COL8A1: variants seen among roughly 807,000 people sequenced by gnomAD.
COL8A1 encodes collagen type VIII alpha 1 chain.
Under a neutral mutation model 42.7 loss-of-function variants are expected in COL8A1, and 21 were observed. That is an observed-to-expected ratio of 0.49 (90% CI 0.35 to 0.71). The LOEUF (loss-of-function observed/expected upper bound fraction) is 0.71, where lower values mean the gene tolerates loss of function less well. COL8A1 is among the 30% of genes least tolerant of loss of function. COL8A1 has a pLI of 0.01. For synonymous variants in COL8A1, 367 were observed against 369.1 expected (o/e 0.99, Z 0.06); for missense variants, 788 against 962.4 (o/e 0.82, Z 2.40).
chr3:99,690,455 A>G (rs770490124), intron 1 of COL8A1, among the ~76,000 whole-genome samples: 78 of 152,306 alleles, frequency 5.1e-4, no homozygotes, highest in Admixed American at 1.2e-3. Context: ...AACAAATTCT[A>G]GGGTAATGGA....
intron 2 of COL8A1, among the ~76,000 whole-genome samples, chr3:99,763,557 T>A (rs1159613609): frequency 1.3e-5 from 2 of 152,152 alleles, no homozygotes; most frequent in African/African-American, 4.8e-5. Context: ...ATTAAAGTCC[T>A]ATGAGGTCGG....
Position 99,794,521 on chromosome 3 carries a change from T to C in COL8A1, c.620T>C (p.Ile207Thr), listed in dbSNP as rs773384000. 5.6e-6 allele frequency: 9 copies of C among 1,613,838 alleles called. No individual in the cohort carries two copies. Among genetic ancestry groups the C allele is most frequent in the Non-Finnish European group, 6.8e-6 (8 of 1,179,894 alleles). The change falls in exon 4 of 4, where the codon ATT (isoleucine) becomes ACT (threonine). Residue 207 changes from isoleucine (I) to threonine (T), a missense_variant. Physicochemically the swap from Ile to Thr is moderately conservative, Grantham distance 89 (BLOSUM62 -1). This residue lies in a region of COL8A1 where 421 missense variants were observed against 553.1 expected (regional missense o/e 0.76). Transcript: ENST00000652472. This position sits in a 1 kb window ranked among gnomAD's most constrained non-coding sequence, Gnocchi z 4.3. The part of the protein sequence containing the change: ...GPPGPHGLPG[I>T]GKPGGPGLPG... Reference sequence around the variant, plus strand: ...CCAGGGCCTCATGGACTTCCTGGCATTGGGAAGCCAGGTGGGCCAGGGTTA... The same window carrying C: ...CCAGGGCCTCATGGACTTCCTGGCACTGGGAAGCCAGGTGGGCCAGGGTTA...
At chr3:99,715,114 C>T (rs1207285886) in intron 1 of COL8A1, among the ~76,000 whole-genome samples, 1 of 151,924 alleles carries the variant, frequency 6.6e-6, no homozygotes, top group African/African-American at 2.4e-5. Flanking sequence ...CTTTGTGTGT[C>T]ATTCTAAAAC....
At chr3:99,683,024 GA>G (rs1329442416) in intron 1 of COL8A1, among the ~76,000 whole-genome samples, 8 of 152,282 alleles carry the variant, frequency 5.3e-5, no homozygotes, top group Middle Eastern at 3.4e-3. Context: ...AGTCCAGAGA[GA>G]AAAATCACCA....
intron 1 of COL8A1, among the ~76,000 whole-genome samples, chr3:99,664,849 G>C (rs1486180074): frequency 6.6e-6 from 1 of 152,210 alleles, no homozygotes; most frequent in Admixed American, 6.5e-5. Context: ...TTCTCTCCAG[G>C]ACATAAGTGG....
chr3:99,647,038 A>T (rs955200000), intron 1 of COL8A1, among the ~76,000 whole-genome samples: 1 of 152,250 alleles, frequency 6.6e-6, no homozygotes, highest in Non-Finnish European at 1.5e-5. Flanking sequence ...TACAGAAAAA[A>T]GTTCTGTGGT....
At chr3:99,773,257 G>C (rs1202199764) in intron 2 of COL8A1, among the ~76,000 whole-genome samples, 1 of 152,150 alleles carries the variant, frequency 6.6e-6, no homozygotes, top group Non-Finnish European at 1.5e-5. Context: ...TGTTTGAATT[G>C]TTAATAATAA....
In COL8A1 at chr3:99,794,200, T is replaced by A; in HGVS notation, c.329-30T>A. 3 of 1,416,462 alleles carry A rather than the reference T, an allele frequency of 2.1e-6. No homozygotes were observed. The South Asian group carries it at 4.1e-5, about 20-fold the overall frequency. 87.7% of individuals were successfully genotyped at this position (1,416,462 alleles called of 1,614,324 possible). A position where few individuals can be genotyped will look rare whatever the true frequency, so the allele number is the denominator to read the frequency against. On this transcript the variant is annotated intron_variant, in intron 3 of 3. Coordinates refer to ENST00000652472, the MANE Select transcript of COL8A1 (RefSeq NM_020351.4). This position sits in a 1 kb window ranked among gnomAD's most constrained non-coding sequence, Gnocchi z 4.3. ...TAATCAATCTCTCTCTCTCCCCCCA[T>A]ACCCCTTCTCTCTCTTCTCTTCCCA...
intron 1 of COL8A1, among the ~76,000 whole-genome samples, chr3:99,734,552 G>T (rs1940638364): frequency 6.6e-6 from 1 of 151,970 alleles, no homozygotes; most frequent in Admixed American, 6.6e-5. Context: ...GGTTACTGTA[G>T]CCTTGTAGTA....
intron 1 of COL8A1, among the ~76,000 whole-genome samples, chr3:99,649,701 C>A (rs1225508944): frequency 6.6e-6 from 1 of 152,066 alleles, no homozygotes; most frequent in Non-Finnish European, 1.5e-5. Context: ...GAACCAAGAA[C>A]CGCGCTTCCA....
intron 1 of COL8A1, chr3:99,680,116 G>A (rs1038000058): frequency 2.6e-5 from 4 of 151,882 alleles, no homozygotes; most frequent in African/African-American, 9.7e-5. Context: ...ATTTACATTA[G>A]GTATATCTCC....
At chr3:99,761,012 C>T (rs1941356296) in intron 2 of COL8A1, among the ~76,000 whole-genome samples, 1 of 152,164 alleles carries the variant, frequency 6.6e-6, no homozygotes, top group African/African-American at 2.4e-5. Context: ...GAATTTTTAA[C>T]TCAGGAGTTC....
chr3:99,669,864 G>T (rs921729160), intron 1 of COL8A1, among the ~76,000 whole-genome samples: 4 of 151,980 alleles, frequency 2.6e-5, no homozygotes, highest in African/African-American at 7.2e-5. Context: ...TGAGGGGTGG[G>T]CTTGGGAGGA....
chr3:99,690,710 C>G (rs1939192822), intron 1 of COL8A1, among the ~76,000 whole-genome samples: 2 of 152,162 alleles, frequency 1.3e-5, no homozygotes, highest in Admixed American at 1.3e-4. Context: ...TAATGTTCCA[C>G]AGAATGTGGG....
intron 1 of COL8A1, among the ~76,000 whole-genome samples, chr3:99,652,864 G>A (rs10935892): frequency 0.59 from 90,403 of 152,058 alleles, 30,504 homozygotes; most frequent in Middle Eastern, 0.83. Context: ...GCCCAAATGT[G>A]TGTAATTTAT....
intron 1 of COL8A1, among the ~76,000 whole-genome samples, chr3:99,648,071 T>C (rs1289731475): frequency 6.6e-6 from 1 of 152,214 alleles, no homozygotes; most frequent in Non-Finnish European, 1.5e-5. Flanking sequence ...AAAAGCTATT[T>C]GTTATCTAAC....
chr3:99,668,587 G>A (rs905108677), intron 1 of COL8A1, among the ~76,000 whole-genome samples: 1 of 152,054 alleles, frequency 6.6e-6, no homozygotes, highest in South Asian at 2.1e-4. Context: ...CTGAGATATG[G>A]AAACTACTAG....
intron 1 of COL8A1, among the ~76,000 whole-genome samples, chr3:99,728,536 A>T (rs764080834): frequency 6.6e-6 from 1 of 152,070 alleles, no homozygotes. Context: ...TACTGAATAC[A>T]TATCAACAAT....
intron 2 of COL8A1, among the ~76,000 whole-genome samples, chr3:99,781,381 T>G (rs114964728): frequency 2.6e-3 from 391 of 152,312 alleles, no homozygotes; most frequent in African/African-American, 8.3e-3. Context: ...GCTATTGATA[T>G]GATTTAATAT....
Sources: allele counts gnomAD v4.1 joint callset (sites outside exome capture counted in the v4.1 genomes callset), GRCh38; gene constraint gnomAD v4.1.1; regional missense constraint gnomAD v4.1.1; non-coding constraint Gnocchi (gnomAD v3.1); transcripts MANE v1.5; gene names NCBI Gene and HGNC (gene_info 2026-07-23, HGNC 2026-07-21).